The following TNIP1 variants were observed in gnomAD, a reference collection of about 807,000 sequenced individuals.
TNIP1 encodes the protein TNFAIP3-interacting protein 1.
A neutral mutation model predicts 86.6 loss-of-function variants in TNIP1; 22 were observed. The ratio of observed to expected loss-of-function variants is 0.25; its 90% CI spans 0.18 to 0.36. TNIP1 has a LOEUF of 0.36. Among genes scored for constraint, TNIP1 ranks in the 10% least tolerant of loss-of-function variants. The pLI, the probability that TNIP1 is intolerant of heterozygous loss-of-function variation, is 1.00. For missense variants in TNIP1, 709 were observed against 820.6 expected (o/e 0.86, Z 1.66); for synonymous variants, 294 against 313.0 (o/e 0.94, Z 0.64).
chr5:151,057,010 C>T, intron 5 of TNIP1, 53 bp from the exon 6 acceptor site: 1 of 1,352,092 alleles, frequency 7.4e-7, no homozygotes, highest in Non-Finnish European at 9.6e-7. Context: ...TGAGTAGGCG[C>T]CGCCAGTCCA....
chr5:151,049,702 T>C, intron 8 of TNIP1, 122 bp downstream of exon 8: 1 of 1,237,892 alleles, frequency 8.1e-7, no homozygotes. Context: ...ACGTAACAGC[T>C]AGAACCTTCT....
At position 151,074,044 on chromosome 5, in the gene TNIP1, A is replaced by G. The variant is rs141795492; in HGVS notation, c.-37+6836T>C. 5.4e-3 allele frequency among the ~76,000 whole-genome samples: 822 copies of G among 152,346 alleles called. 5 individuals are homozygous for G. The highest frequency in any genetic ancestry group is 0.019 in the African/African-American group (790 of 41,594). ...TACCTATGCTATTTTAACTCTTTAC[A>G]TGGGAAATCTAGTCCTGTTCTTATA... On this transcript the variant is annotated intron_variant, in intron 1 of 17. Transcript: ENST00000521591.
chr5:151,038,771 G>A (rs1221263232), intron 12 of TNIP1, among the ~76,000 whole-genome samples: 3 of 152,156 alleles, frequency 2.0e-5, no homozygotes, highest in African/African-American at 7.2e-5. Flanking sequence ...GGTACCTCAG[G>A]AGCATAGACC....
intron 6 of TNIP1, among the ~76,000 whole-genome samples, chr5:151,055,228 G>GAA (rs201594563): frequency 8.6e-5 from 13 of 150,364 alleles, no homozygotes; most frequent in African/African-American, 2.9e-4. Context: ...GAGAGTATAA[G>GAA]AAAAAAAAGA....
At chr5:151,064,651 A>G (rs7732451) in intron 2 of TNIP1, among the ~76,000 whole-genome samples, 28,962 of 152,104 alleles carry the variant, frequency 0.19, 4,009 homozygotes, top group African/African-American at 0.39. Flanking sequence ...GAAAGAGGAG[A>G]CCACTCTAGT....
upstream of TNIP1, among the ~76,000 whole-genome samples, chr5:151,082,622 A>T (rs960165382): frequency 2.0e-5 from 3 of 151,688 alleles, no homozygotes; most frequent in African/African-American, 7.3e-5. Context: ...GTCTCTAATT[A>T]CTTGCATTTT....
At position 151,033,746 on chromosome 5, in the gene TNIP1, G is replaced by A; in HGVS notation, c.1641C>T (p.Ala547=). The change falls in exon 16 of 18, where the codon GCC becomes GCT. Residue 547 remains alanine, a synonymous_variant. Coordinates refer to ENST00000521591, the MANE Select transcript of TNIP1 (RefSeq NM_006058.5). The part of the protein sequence containing the change: ...VEPHPEHLCG[A]YPYAYPPMPA... ...GCATGGGCGGGTAGGCGTAGGGGTA[G>A]GCCCCGCAGAGATGTTCTGGGTGGG... The A allele has an allele frequency of 1.5e-6, 2 of 1,362,314 alleles. No individual in the cohort carries two copies. The highest frequency in any genetic ancestry group is 2.3e-5 in the South Asian group (1 of 44,172). 84.4% of individuals were successfully genotyped at this position (1,362,314 alleles called of 1,614,324 possible). A position where few individuals can be genotyped will look rare whatever the true frequency, so the allele number is the denominator to read the frequency against.
intron 16 of TNIP1, 125 bp from the exon 17 acceptor site, chr5:151,032,508 C>T (rs1757039424): frequency 1.1e-6 from 1 of 949,772 alleles, no homozygotes; most frequent in Non-Finnish European, 1.6e-6. Context: ...ACAACCCAGG[C>T]TGGCACTCCC....
At chr5:151,086,639 A>G (rs941507166) in intron 1 of TNIP1, among the ~76,000 whole-genome samples, 1 of 152,174 alleles carries the variant, frequency 6.6e-6, no homozygotes, top group Non-Finnish European at 1.5e-5. Flanking sequence ...AGAAAGACAC[A>G]TACACGCTTC....
At chr5:151,059,242 G>A (rs1359273565) in intron 5 of TNIP1, among the ~76,000 whole-genome samples, 2 of 152,232 alleles carry the variant, frequency 1.3e-5, no homozygotes, top group African/African-American at 4.8e-5. Context: ...CACTTTCTGA[G>A]CAGGGGATCT....
chr5:151,079,621 C>CAA (rs5872189), intron 1 of TNIP1, among the ~76,000 whole-genome samples: 33 of 143,020 alleles, frequency 2.3e-4, no homozygotes, highest in Admixed American at 2.1e-3. Context: ...GACTCTGTCT[C>CAA]AAAAAAAAAA....
At chr5:151,031,587 A>G (rs944848951) in intron 17 of TNIP1, among the ~76,000 whole-genome samples, 1 of 152,186 alleles carries the variant, frequency 6.6e-6, no homozygotes, top group African/African-American at 2.4e-5. Context: ...AAAAATGTCC[A>G]GTGACTACAC....
Position 151,056,878 on chromosome 5 carries a change from G to GCA in TNIP1, c.513_514dup (p.Ala172ValfsTer52). On this transcript the variant is annotated frameshift_variant, in exon 6 of 18. Coordinates refer to ENST00000521591, the MANE Select transcript of TNIP1 (RefSeq NM_006058.5). LOFTEE classifies it high-confidence loss of function. ...GAGCTGGCCGTGGTCCGGCTCCTCG[G>GCA]CACACACACTCAGCGTGGTCTCCAG... is the stretch of plus-strand genomic sequence containing the variant. 6.2e-7 allele frequency: 1 copy of GCA among 1,605,328 alleles called. No homozygotes were observed. The highest frequency in any genetic ancestry group is 8.5e-7 in the Non-Finnish European group (1 of 1,176,416).
At chr5:151,082,202 T>G (rs371993514), upstream of TNIP1, among the ~76,000 whole-genome samples, 332 of 152,356 alleles carry the variant, frequency 2.2e-3, 1 homozygote, top group African/African-American at 7.7e-3. Context: ...ATACCTAATC[T>G]GGGGATTCTC....
At position 151,030,259 on chromosome 5, in the gene TNIP1, G is replaced by T; in HGVS notation, c.*454C>A. 2.4e-6 allele frequency: 1 copy of T among 412,406 alleles called. No homozygotes were observed. The highest frequency in any genetic ancestry group is 1.7e-5 in the South Asian group (1 of 58,682). The allele number at this position is 412,406 out of a possible 1,614,324, so 25.5% of individuals were successfully genotyped here. The stretch of plus-strand genomic sequence containing the variant: ...CCCACAGCTCCTCACAGAGGGGTAG[G>T]GGTGTGCGTGGGGCAGGTCCTGCTA... On this transcript the variant is annotated 3_prime_UTR_variant, in exon 18 of 18. Coordinates refer to ENST00000521591, the MANE Select transcript of TNIP1 (RefSeq NM_006058.5).
intron 1 of TNIP1, among the ~76,000 whole-genome samples, chr5:151,066,666 C>G (rs547726387): frequency 6.6e-6 from 1 of 152,354 alleles, no homozygotes; most frequent in Admixed American, 6.5e-5. Flanking sequence ...AGGAGCTGCA[C>G]AGTAACTCTA....
At chr5:151,082,819 ATT>A (rs1764122512), upstream of TNIP1, among the ~76,000 whole-genome samples, 1 of 152,144 alleles carries the variant, frequency 6.6e-6, no homozygotes, top group African/African-American at 2.4e-5. Flanking sequence ...GAGAAAACTC[ATT>A]TATTTATAAA....
Position 151,030,046 on chromosome 5 carries a change from G to T in TNIP1, c.*667C>A. On this transcript the variant is annotated 3_prime_UTR_variant, in exon 18 of 18. Coordinates refer to ENST00000521591, the MANE Select transcript of TNIP1 (RefSeq NM_006058.5). ...GGGCTTCTGGCACCACAGGCCTCCA[G>T]CTATGGGGTCCAGGGTCTGAACCTC... is the stretch of plus-strand genomic sequence containing the variant. 2 of 456,828 alleles carry T rather than the reference G, an allele frequency of 4.4e-6. No homozygotes were observed. Among genetic ancestry groups the T allele is most frequent in the Non-Finnish European group, 8.8e-6 (2 of 226,902 alleles). The allele number at this position is 456,828 out of a possible 1,614,324, so 28.3% of individuals were successfully genotyped here. A position where few individuals can be genotyped will look rare whatever the true frequency, so the allele number is the denominator to read the frequency against.
rs1282070619 is a variant in TNIP1 at position 151,032,312 on chromosome 5, A to G, written c.1851T>C (p.Pro617=). Residue 617 remains proline, a synonymous_variant, in exon 17 of 18, where the codon CCT becomes CCC. Coordinates refer to ENST00000521591, the MANE Select transcript of TNIP1 (RefSeq NM_006058.5). ...NPNQSSQVMD[P]PTARPTEPES... ...CTGGTTCTGTAGGCCTGGCTGTGGG[A>G]GGGTCCATCACTTGGGAGCTCTGAT... The G allele has an allele frequency of 6.2e-7, 1 of 1,613,992 alleles. No individual in the cohort carries two copies. The highest frequency in any genetic ancestry group is 1.7e-5 in the Admixed American group (1 of 60,012).
Sources: gnomAD v4.1 joint callset for allele counts (sites outside exome capture counted in the v4.1 genomes callset) on GRCh38, gnomAD v4.1.1 for gene constraint, MANE v1.5 for transcripts, NCBI Gene and HGNC (gene_info 2026-07-23, HGNC 2026-07-21) for gene names.